TRPC5: variants seen among roughly 807,000 people sequenced by gnomAD.
The protein encoded by TRPC5 is transient receptor potential cation channel subfamily C member 5, also known as short transient receptor potential channel 5.
Under a neutral mutation model 56.5 loss-of-function variants are expected in TRPC5, and 9 were observed. The ratio of observed to expected loss-of-function variants is 0.16; its 90% confidence interval spans 0.10 to 0.28. The LOEUF is 0.28. TRPC5 is among the 10% of genes least tolerant of loss of function. The pLI is 1.00. For synonymous variants in TRPC5, 282 were observed against 278.5 expected (o/e 1.01, Z -0.13); for missense variants, 469 against 748.9 (o/e 0.63, Z 4.36).
intron 2 of TRPC5, among the ~76,000 whole-genome samples, chrX:111,943,021 C>T (rs191274034): frequency 1.8e-5 from 2 of 111,415 alleles, no homozygotes; most frequent in African/African-American, 6.5e-5. Flanking sequence ...GTAGTACTAG[C>T]TACCATTTAT....
intron 1 of TRPC5, among the ~76,000 whole-genome samples, chrX:112,013,464 G>T (rs894075491): frequency 1.8e-5 from 2 of 111,509 alleles, no homozygotes; most frequent in African/African-American, 6.5e-5. Context: ...TTTTGAAACA[G>T]AACAGTTTAG....
intron 1 of TRPC5, among the ~76,000 whole-genome samples, chrX:112,067,429 C>A (rs910047939): frequency 1.8e-5 from 2 of 112,602 alleles, no homozygotes; most frequent in Admixed American, 1.9e-4. Context: ...CTCGAGACAA[C>A]TATTTTGCCA....
At chrX:111,951,993 G>A (rs1460031677) in intron 2 of TRPC5, 50 bp downstream of exon 2, 2 of 1,159,000 alleles carry the variant, frequency 1.7e-6, no homozygotes, top group Admixed American at 5.1e-5. Context: ...CTTCTGACCT[G>A]GTGCCCTGTT....
intron 4 of TRPC5, 145 bp from the exon 5 acceptor site, chrX:111,852,582 C>G: frequency 3.1e-6 from 2 of 649,096 alleles, no homozygotes; most frequent in South Asian, 5.3e-5. Flanking sequence ...ACAATAATCA[C>G]TTGCTTTCCT....
intron 2 of TRPC5, among the ~76,000 whole-genome samples, chrX:111,932,715 C>T (rs1229848686): frequency 5.4e-5 from 6 of 111,518 alleles, no homozygotes; most frequent in Admixed American, 9.5e-5. Flanking sequence ...TAGACACATC[C>T]CAACTAAGAT....
chrX:112,009,671 T>C (rs1166321252), intron 1 of TRPC5, among the ~76,000 whole-genome samples: 3 of 111,832 alleles, frequency 2.7e-5, no homozygotes, highest in Non-Finnish European at 5.6e-5. Context: ...AAGTCTTTAG[T>C]GCCTCTCAAT....
chrX:111,877,115 G>C (rs1198419789), intron 3 of TRPC5, among the ~76,000 whole-genome samples: 2 of 111,889 alleles, frequency 1.8e-5, no homozygotes, highest in African/African-American at 6.5e-5. Context: ...TGATAGCATG[G>C]CTGGAGGCAG....
intron 6 of TRPC5, among the ~76,000 whole-genome samples, chrX:111,836,719 G>A (rs759857979): frequency 8.9e-6 from 1 of 112,661 alleles, no homozygotes; most frequent in South Asian, 3.7e-4. Context: ...TATGGAGGCA[G>A]AGACATAGCT....
chrX:112,043,522 G>C (rs759770919), intron 1 of TRPC5, among the ~76,000 whole-genome samples: 25 of 110,596 alleles, frequency 2.3e-4, no homozygotes, highest in Non-Finnish European at 2.1e-4. Context: ...AATGCTGCTA[G>C]TTGCTATCAT....
At chrX:111,990,367 G>A (rs779948499) in intron 1 of TRPC5, among the ~76,000 whole-genome samples, 15 of 110,325 alleles carry the variant, frequency 1.4e-4, no homozygotes, top group South Asian at 1.2e-3. Flanking sequence ...GCAGTGAGCC[G>A]AGATCACACC....
intron 1 of TRPC5, among the ~76,000 whole-genome samples, chrX:112,012,249 T>C (rs1006314495): frequency 4.5e-5 from 5 of 111,764 alleles, no homozygotes; most frequent in African/African-American, 1.6e-4. Context: ...CCACATAACA[T>C]TGGTGGGTTT....
intron 7 of TRPC5, among the ~76,000 whole-genome samples, chrX:111,812,347 G>T (rs1317363981): frequency 9.0e-6 from 1 of 111,118 alleles, no homozygotes; most frequent in East Asian, 2.8e-4. Flanking sequence ...CTGATATGAG[G>T]ATATGATTTT....
intron 1 of TRPC5, among the ~76,000 whole-genome samples, chrX:111,973,273 C>T (rs1191895864): frequency 8.9e-6 from 1 of 111,837 alleles, no homozygotes; most frequent in Admixed American, 9.6e-5. Context: ...TGACACAAGG[C>T]CTTGTTCTTA....
rs779621794 is a variant in TRPC5, at chrX:112,025,630, C to A, written c.-22+56249G>T. Among the ~76,000 whole-genome samples the A allele has an allele frequency of 2.7e-5, 3 of 111,699 alleles. No homozygotes were observed. The South Asian group carries it at 1.2e-3, about 43-fold the overall frequency. ...TTTGTAATATAGTTCACAAATTCCG[C>A]ATCTCATTAACCCCAAACCCAGCAC... On this transcript the variant is annotated intron_variant, in intron 1 of 10. Coordinates refer to ENST00000262839, the MANE Select transcript of TRPC5 (RefSeq NM_012471.3).
intron 3 of TRPC5, among the ~76,000 whole-genome samples, chrX:111,877,397 T>C (rs1442319027): frequency 9.0e-6 from 1 of 111,398 alleles, no homozygotes; most frequent in African/African-American, 3.3e-5. Flanking sequence ...TTCATTTTAG[T>C]TGTGGTGACT....
In TRPC5 at chrX:111,922,275, A is replaced by G. The variant is rs1926146115; in HGVS notation, c.379-9463T>C. 3.6e-5 allele frequency among the ~76,000 whole-genome samples: 4 copies of G among 111,886 alleles called. No homozygotes were observed. The South Asian group carries it at 1.1e-3, about 32-fold the overall frequency. On this transcript the variant is annotated intron_variant, in intron 2 of 10. Transcript: ENST00000262839. ...ACCCTTATCAGGAGCCGCCTCATTC[A>G]TACACACAATGTTGTCTGCTCACAG... is the stretch of plus-strand genomic sequence containing the variant.
At chrX:112,043,587 ACT>A (rs1274343479) in intron 1 of TRPC5, among the ~76,000 whole-genome samples, 1 of 107,420 alleles carries the variant, frequency 9.3e-6, no homozygotes, top group Middle Eastern at 4.7e-3. Context: ...AAGTTAAAAG[ACT>A]CTGTACTTTC....
intron 2 of TRPC5, among the ~76,000 whole-genome samples, chrX:111,924,157 T>C (rs1015197352): frequency 4.5e-5 from 5 of 111,690 alleles, no homozygotes; most frequent in African/African-American, 1.3e-4. Context: ...GACAGTATCA[T>C]TGGAGGGCCA....
intron 1 of TRPC5, among the ~76,000 whole-genome samples, chrX:111,952,962 T>C (rs150056130): frequency 3.6e-5 from 4 of 112,174 alleles, no homozygotes; most frequent in Non-Finnish European, 5.6e-5. Flanking sequence ...TGATTAGTGA[T>C]GCAAAGTTGG....
Sources: gnomAD v4.1 joint callset for allele counts (sites outside exome capture counted in the v4.1 genomes callset) on GRCh38, gnomAD v4.1.1 for gene constraint, MANE v1.5 for transcripts, NCBI Gene and HGNC (gene_info 2026-07-23, HGNC 2026-07-21) for gene names.